Variants in BDNF observed in about 807,000 individuals in gnomAD.
BDNF encodes the protein neurotrophic factor BDNF precursor form.
In BDNF, 1 loss-of-function variant was observed where a neutral mutation model predicts 19.5. The observed-to-expected ratio is 0.05, with a 90% CI of 0.02 to 0.24. The LOEUF (loss-of-function observed/expected upper bound fraction) is 0.24. BDNF is among the 10% of genes least tolerant of loss of function. BDNF has a pLI of 1.00. For missense variants in BDNF, 195 were observed against 317.6 expected, an observed-to-expected ratio of 0.61 and a Z score of 2.93; for synonymous variants, 100 against 121.6, an observed-to-expected ratio of 0.82 and a Z score of 1.17.
chr11:27,694,540 C>T (rs1176090146), intron 1 of BDNF, among the ~76,000 whole-genome samples: 1 of 150,818 alleles, frequency 6.6e-6, no homozygotes, highest in African/African-American at 2.4e-5. Context: ...TTTTGTCATC[C>T]AAGAATTTTA....
intron 1 of BDNF, among the ~76,000 whole-genome samples, chr11:27,663,811 A>G (rs1354525654): frequency 6.6e-6 from 1 of 152,142 alleles, no homozygotes; most frequent in Non-Finnish European, 1.5e-5. Flanking sequence ...CCTGGAACCT[A>G]ACTTTCTAAA....
intron 1 of BDNF, among the ~76,000 whole-genome samples, chr11:27,691,655 C>G (rs1858315163): frequency 6.6e-6 from 1 of 152,132 alleles, no homozygotes; most frequent in Non-Finnish European, 1.5e-5. Flanking sequence ...GAGTGGGCTG[C>G]TCATCTTATG....
rs145503247 is a variant in BDNF, at chr11:27,720,014, T to TAC, written c.3+1396_3+1397dup. 3.3e-3 allele frequency among the ~76,000 whole-genome samples: 494 copies of TAC among 150,442 alleles called. 7 individuals are homozygous for TAC. Among genetic ancestry groups the TAC allele is most frequent in the South Asian group, 0.026 (123 of 4,764 alleles). On this transcript the variant is annotated intron_variant, in intron 1 of 1. Coordinates refer to the BDNF transcript ENST00000314915. ...TTCATAATTAGTAATGAATCTACTGTACACACACACACACACACCAGCAAA... is the reference window on the plus strand; with the variant it reads ...TTCATAATTAGTAATGAATCTACTGTACACACACACACACACACACCAGCAAA...
At chr11:27,676,011 G>A (rs1856048929) in intron 1 of BDNF, 2 of 152,250 alleles carry the variant, frequency 1.3e-5, no homozygotes, top group African/African-American at 4.8e-5. Context: ...GTTAGATGAT[G>A]ATGGCACAAA....
At chr11:27,679,136 G>A (rs1856553224) in intron 1 of BDNF, among the ~76,000 whole-genome samples, 1 of 152,284 alleles carries the variant, frequency 6.6e-6, no homozygotes, top group African/African-American at 2.4e-5. Flanking sequence ...GTAGTCTGAT[G>A]GGTGTCATGC....
At chr11:27,712,672 C>A (rs183645689) in intron 1 of BDNF, among the ~76,000 whole-genome samples, 2 of 151,858 alleles carry the variant, frequency 1.3e-5, no homozygotes, top group Admixed American at 6.6e-5. Context: ...CATGCCACCA[C>A]GCCCAGCTAA....
intron 1 of BDNF, among the ~76,000 whole-genome samples, chr11:27,696,096 A>G (rs1453129710): frequency 2.6e-5 from 4 of 152,170 alleles, no homozygotes; most frequent in Non-Finnish European, 5.9e-5. Context: ...CATATAGTCA[A>G]TAATTGGGTT....
intron 1 of BDNF, among the ~76,000 whole-genome samples, chr11:27,664,107 G>A (rs1396192492): frequency 1.3e-5 from 2 of 151,998 alleles, no homozygotes; most frequent in East Asian, 3.9e-4. Flanking sequence ...AGAAAACACA[G>A]TTTAAAGATA....
intron 1 of BDNF, chr11:27,665,294 A>T (rs990497975): frequency 1.3e-4 from 20 of 152,224 alleles, no homozygotes; most frequent in Non-Finnish European, 2.4e-4. Flanking sequence ...AAGAACTTGG[A>T]AAGGGAGGTT....
In BDNF at chr11:27,658,031, C is replaced by T. The variant is rs774212958; in HGVS notation, c.534G>A (p.Lys178=). 4 of 1,613,874 alleles carry T rather than the reference C, an allele frequency of 2.5e-6. No individual in the cohort carries two copies. Among genetic ancestry groups the T allele is most frequent in the Middle Eastern group, 1.6e-4 (1 of 6,084 alleles). ...EKVPVSKGQL[K]QYFYETKCNP... is the part of the protein sequence containing the mutation. ...TGCACTTGGTCTCGTAGAAGTATTG[C>T]TTCAGTTGGCCTTTTGATACAGGGA... Residue 178 remains lysine (K), a synonymous_variant, in exon 2 of 2, where the codon AAG becomes AAA. Coordinates refer to ENST00000356660, the MANE Select transcript of BDNF (RefSeq NM_001709.5). The surrounding 1 kb of genome is among the most constrained non-coding windows in gnomAD (Gnocchi z 5.7).
At chr11:27,674,653 T>G in intron 1 of BDNF, 1 of 985,406 alleles carries the variant, frequency 1.0e-6, no homozygotes, top group South Asian at 4.7e-5. Context: ...AATGCACCTA[T>G]ATGGAAACAT....
At chr11:27,673,575 C>A (rs766516284) in intron 1 of BDNF, among the ~76,000 whole-genome samples, 72 of 152,306 alleles carry the variant, frequency 4.7e-4, no homozygotes, top group Non-Finnish European at 9.0e-4. Context: ...AGAGCCAACA[C>A]CCCACTAGAC....
intron 1 of BDNF, among the ~76,000 whole-genome samples, chr11:27,697,143 G>GCA (rs138533217): frequency 3.5e-5 from 5 of 141,008 alleles, no homozygotes; most frequent in African/African-American, 1.1e-4. Flanking sequence ...GCACGTGCAC[G>GCA]CACACACACA....
At chr11:27,685,225 G>T (rs1037978893) in intron 1 of BDNF, among the ~76,000 whole-genome samples, 2 of 152,140 alleles carry the variant, frequency 1.3e-5, no homozygotes, top group African/African-American at 4.8e-5. Context: ...TTGTATTTTT[G>T]TGGGATCAGT....
rs543653872 is a variant in BDNF, at chr11:27,656,567, C to G, written c.*1254G>C. 2 of 985,654 alleles carry G rather than the reference C, an allele frequency of 2.0e-6. No homozygotes were observed. The highest frequency in any genetic ancestry group is 1.7e-5 in the African/African-American group (1 of 57,180). The allele number at this position is 985,654 out of a possible 1,614,324, so 61.1% of individuals were successfully genotyped here. A position where few individuals can be genotyped will look rare whatever the true frequency, so the allele number is the denominator to read the frequency against. On this transcript the variant is annotated 3_prime_UTR_variant, in exon 2 of 2. Transcript: ENST00000356660. ...CACTCAGAAATTCCTCCCGCACTGC[C>G]GGTAAATGCAATGCCAACTCCACAT...
intron 1 of BDNF, among the ~76,000 whole-genome samples, chr11:27,706,362 T>A (rs1008936680): frequency 1.3e-5 from 2 of 152,192 alleles, no homozygotes; most frequent in South Asian, 4.2e-4. Flanking sequence ...ACCAGGGAAG[T>A]AGACTACACA....
At chr11:27,663,944 A>G (rs1211692811) in intron 1 of BDNF, among the ~76,000 whole-genome samples, 2 of 152,198 alleles carry the variant, frequency 1.3e-5, no homozygotes, top group Non-Finnish European at 2.9e-5. Flanking sequence ...TCTAAGAGAA[A>G]GAACTGCAAA....
rs1408293280 is a variant in BDNF at position 27,657,022 on chromosome 11, A to C, written c.*799T>G. 2.0e-6 allele frequency: 2 copies of C among 985,400 alleles called. No homozygotes were observed. The highest frequency in any genetic ancestry group is 3.5e-5 in the African/African-American group (2 of 57,252). The allele number at this position is 985,400 out of a possible 1,614,324, so 61.0% of individuals were successfully genotyped here. On this transcript the variant is annotated 3_prime_UTR_variant, in exon 2 of 2. Coordinates refer to ENST00000356660, the MANE Select transcript of BDNF (RefSeq NM_001709.5). This position sits in a 1 kb window ranked among gnomAD's most constrained non-coding sequence, Gnocchi z 5.0. ...CCGTCAAAAGCAGCTTACTCTGACC[A>C]ACGCCCAAAGAATGAGCGGGGCCTG...
intron 1 of BDNF, among the ~76,000 whole-genome samples, chr11:27,712,622 T>A (rs1346264083): frequency 6.6e-6 from 1 of 151,772 alleles, no homozygotes; most frequent in Non-Finnish European, 1.5e-5. Context: ...TTCAAGTGAT[T>A]CTCGTGCCTC....
Sources: gnomAD v4.1 joint callset for allele counts (sites outside exome capture counted in the v4.1 genomes callset) on GRCh38, gnomAD v4.1.1 for gene constraint, Gnocchi (gnomAD v3.1) non-coding constraint, MANE v1.5 for transcripts, NCBI Gene and HGNC (gene_info 2026-07-23, HGNC 2026-07-21) for gene names.